The following MSL3 variants were observed in gnomAD, a reference collection of about 807,000 sequenced individuals.
MSL3 encodes MSL3-like 1.
MSL3 carries 5 observed loss-of-function variants against 37.2 expected under a neutral mutation model. The observed-to-expected ratio is 0.13, with a 90% CI of 0.07 to 0.28. The LOEUF (loss-of-function observed/expected upper bound fraction) is 0.28. Ranked by LOEUF, MSL3 falls within the 10% of genes least tolerant of loss-of-function variation. The pLI, the probability that MSL3 is intolerant of heterozygous loss-of-function variation, is 1.00. For synonymous variants in MSL3, 149 were observed against 147.6 expected (o/e 1.01, Z -0.07); for missense variants, 315 against 408.5 (o/e 0.77, Z 1.97).
chrX:11,772,750 G>T, intron 12 of MSL3, 45 bp downstream of exon 12: 1 of 843,059 alleles, frequency 1.2e-6, no homozygotes, highest in Non-Finnish European at 1.7e-6. Context: ...TGCCATATAT[G>T]TGGCTTTTCT....
intron 1 of MSL3, 197 bp downstream of exon 1, chrX:11,758,562 C>T: frequency 9.0e-7 from 1 of 1,106,114 alleles, no homozygotes; most frequent in Non-Finnish European, 1.2e-6. Context: ...CTTCCACTTC[C>T]TTCCGTCAGG....
intron 6 of MSL3, among the ~76,000 whole-genome samples, 178 bp downstream of exon 6, chrX:11,762,430 T>G (rs1418225147): frequency 8.9e-6 from 1 of 112,402 alleles, no homozygotes; most frequent in Non-Finnish European, 1.9e-5. Flanking sequence ...TGATAAAAAT[T>G]GAAACTCACA....
intron 12 of MSL3, among the ~76,000 whole-genome samples, 199 bp from the exon 13 acceptor site, chrX:11,774,781 A>T (rs1448140913): frequency 1.8e-5 from 2 of 111,267 alleles, no homozygotes; most frequent in Non-Finnish European, 3.8e-5. Context: ...TGGTGAAGGC[A>T]TTCAGATAAG....
Position 11,762,925 on chromosome X carries a change from A to G in MSL3, c.677A>G (p.Asn226Ser), listed in dbSNP as rs772012561. The change falls in exon 7 of 13, where the codon AAT becomes AGT. Residue 226 changes from asparagine (N) to serine (S), a missense_variant. Asn to Ser is a conservative substitution (Grantham distance 46). Transcript: ENST00000312196. ...HFAINAAFSANERPRHHHVMP... is the reference protein window; with the variant it reads ...HFAINAAFSASERPRHHHVMP... ...GCTATCAATGCAGCCTTTTCAGCCAATGAGAGGCCTCGTCACCATCACGTT... is the reference window on the plus strand; with the variant it reads ...GCTATCAATGCAGCCTTTTCAGCCAGTGAGAGGCCTCGTCACCATCACGTT... 5.8e-6 allele frequency: 7 copies of G among 1,209,554 alleles called. No homozygotes were observed. Among genetic ancestry groups the G allele is most frequent in the South Asian group, 1.8e-5 (1 of 56,674 alleles).
At chrX:11,768,710 A>C in intron 10 of MSL3, 28 bp downstream of exon 10, 1 of 1,014,048 alleles carries the variant, frequency 9.9e-7, no homozygotes, top group Non-Finnish European at 1.4e-6. Flanking sequence ...TTTGTTCCCA[A>C]TGGTTCCTTT....
chrX:11,764,625 T>C (rs1251315313), intron 8 of MSL3, among the ~76,000 whole-genome samples: 1 of 111,753 alleles, frequency 8.9e-6, no homozygotes, highest in Non-Finnish European at 1.9e-5. Flanking sequence ...CTGTCTCCTC[T>C]GTTAACCACT....
chrX:11,764,322 T>C (rs963621356), intron 8 of MSL3: 21 of 121,761 alleles, frequency 1.7e-4, no homozygotes, highest in Admixed American at 1.2e-3. Flanking sequence ...GGAGCCTCCT[T>C]CTTTTGCAGG....
chrX:11,767,752 G>A (rs1198499169), intron 9 of MSL3: 6 of 271,255 alleles, frequency 2.2e-5, no homozygotes, highest in South Asian at 1.8e-4. Flanking sequence ...ACCCCACATC[G>A]ACTAGCAGTT....
intron 8 of MSL3, 137 bp from the exon 9 acceptor site, chrX:11,765,330 T>G (rs887382824): frequency 6.4e-5 from 45 of 706,967 alleles, no homozygotes; most frequent in Non-Finnish European, 8.9e-5. Context: ...CCTTGCAGAG[T>G]TATGGAGAGG....
chrX:11,766,471 A>G, intron 9 of MSL3: 1 of 753,200 alleles, frequency 1.3e-6, no homozygotes. Context: ...TCCCAAATTA[A>G]TTACAATCTG....
At chrX:11,765,864 T>C (rs1429410195) in intron 9 of MSL3, 135 bp downstream of exon 9, 2 of 1,114,745 alleles carry the variant, frequency 1.8e-6, no homozygotes, top group East Asian at 3.1e-5. Context: ...AGTGCTGTCA[T>C]GCTGCCTGCT....
rs751184592 is a variant in MSL3 at position 11,765,547 on chromosome X, G to C, written c.989G>C (p.Gly330Ala). 8 of 1,209,209 alleles carry C rather than the reference G, an allele frequency of 6.6e-6. No individual in the cohort carries two copies. In the Admixed American group the frequency reaches 1.7e-4, roughly 26 times the overall value. Residue 330 changes from glycine (G) to alanine (A), a missense_variant, in exon 9 of 13, where the codon GGT (glycine) becomes GCT (alanine). Transcript: ENST00000312196. ...TCCACAGAGAGTCAGCCGACCACCG[G>C]TGAACCAGCCACCCCCAAAAGGCGC... Reference protein sequence around the residue: ...PQSTESQPTTGEPATPKRRKA... With the variant: ...PQSTESQPTTAEPATPKRRKA...
intron 8 of MSL3, 26 bp from the exon 9 acceptor site, chrX:11,765,441 T>C (rs774469686): frequency 2.6e-6 from 3 of 1,165,170 alleles, no homozygotes; most frequent in East Asian, 6.0e-5. Context: ...CTTTGAGCCA[T>C]GTGTGACATC....
At chrX:11,758,781 T>G in intron 1 of MSL3, 5 of 1,165,096 alleles carry the variant, frequency 4.3e-6, no homozygotes, top group Non-Finnish European at 5.7e-6. Context: ...CAGGTTCTAA[T>G]TCATAGTTAC....
In MSL3 at chrX:11,765,514, C is replaced by T. The variant is rs1371447661; in HGVS notation, c.956C>T (p.Thr319Met). 12 of 1,207,955 alleles carry T rather than the reference C, an allele frequency of 9.9e-6. No individual in the cohort carries two copies. The highest frequency in any genetic ancestry group is 1.2e-5 in the Non-Finnish European group (11 of 893,410). ...AGTCCGCCTTTGTTGAATCCATCCACGCCACAGTCCACAGAGAGTCAGCCG... is the reference window on the plus strand; with the variant it reads ...AGTCCGCCTTTGTTGAATCCATCCATGCCACAGTCCACAGAGAGTCAGCCG... Reference protein sequence around the residue: ...SPSPPLLNPSTPQSTESQPTT... With the variant: ...SPSPPLLNPSMPQSTESQPTT... Residue 319 changes from threonine (T) to methionine (M), a missense_variant, in exon 9 of 13, where the codon ACG (threonine) becomes ATG (methionine). By Grantham distance (81) the Thr-to-Met change is moderately conservative. Transcript: ENST00000312196.
At chrX:11,774,445 G>A (rs1457054010) in intron 12 of MSL3, among the ~76,000 whole-genome samples, 4 of 110,804 alleles carry the variant, frequency 3.6e-5, no homozygotes, top group African/African-American at 1.3e-4. Flanking sequence ...TCAGCCTCCC[G>A]AGTAGCTGGG....
intron 12 of MSL3, among the ~76,000 whole-genome samples, chrX:11,774,692 G>A (rs753199617): frequency 2.7e-4 from 29 of 108,576 alleles, no homozygotes; most frequent in Non-Finnish European, 5.0e-4. Context: ...TTTTTTTTCC[G>A]CCCCCAACAG....
upstream of MSL3, chrX:11,758,180 CACCGCCT>C: frequency 1.6e-5 from 3 of 183,917 alleles, no homozygotes; most frequent in Non-Finnish European, 2.7e-5. Context: ...GGCCACGGCG[CACCGCCT>C]CCCCGCCCCC....
Position 11,775,253 on chromosome X carries a change from C to T in MSL3, c.*174C>T. On this transcript the variant is annotated 3_prime_UTR_variant, in exon 13 of 13. Transcript: ENST00000312196. ...CAGTTATTCTGTTAGGAATGATTCCCTGGGTGCCTGAAAGTGCTCTGACAC... is the reference window on the plus strand; with the variant it reads ...CAGTTATTCTGTTAGGAATGATTCCTTGGGTGCCTGAAAGTGCTCTGACAC... The T allele has an allele frequency of 2.5e-6, 1 of 407,411 alleles. No homozygotes were observed. The highest frequency in any genetic ancestry group is 4.3e-6 in the Non-Finnish European group (1 of 233,088). 33.6% of individuals were successfully genotyped at this position (407,411 alleles called of 1,213,427 possible).
Sources: gnomAD v4.1 joint callset for allele counts (sites outside exome capture counted in the v4.1 genomes callset) on GRCh38, gnomAD v4.1.1 for gene constraint, MANE v1.5 for transcripts, NCBI Gene and HGNC (gene_info 2026-07-23, HGNC 2026-07-21) for gene names.